The following SUFU variants were observed in gnomAD, a reference collection of about 807,000 sequenced individuals.
SUFU encodes SUFU negative regulator of hedgehog signaling, also known as suppressor of fused homolog.
Under a neutral mutation model 58.9 loss-of-function variants are expected in SUFU, and 7 were observed. That is an observed-to-expected ratio of 0.12 (90% confidence interval 0.07 to 0.22). SUFU has a LOEUF of 0.22. Among genes scored for constraint, SUFU ranks in the 10% least tolerant of loss-of-function variants. The probability of loss-of-function intolerance (pLI) is 1.00; values close to 1 mark genes in which losing one functional copy is unlikely to be tolerated. For synonymous variants in SUFU, 232 were observed against 254.8 expected, an observed-to-expected ratio of 0.91 and a Z score of 0.85; for missense variants, 451 against 641.3, an observed-to-expected ratio of 0.70 and a Z score of 3.20.
chr10:102,585,977 C>T (rs1006533388), intron 3 of SUFU, among the ~76,000 whole-genome samples: 16 of 150,188 alleles, frequency 1.1e-4, no homozygotes, highest in African/African-American at 3.4e-4. Flanking sequence ...CTCTGCCTTC[C>T]GGGTTCAAAC....
At chr10:102,511,550 C>A (rs1006201917) in intron 2 of SUFU, among the ~76,000 whole-genome samples, 8 of 151,974 alleles carry the variant, frequency 5.3e-5, no homozygotes, top group Non-Finnish European at 8.8e-5. Context: ...TCTTCCGTGT[C>A]ATTGTGTTAA....
intron 3 of SUFU, chr10:102,573,264 A>G (rs2063181379): frequency 1.5e-6 from 1 of 649,920 alleles, no homozygotes; most frequent in Admixed American, 2.3e-5. Flanking sequence ...ACACAAAATC[A>G]TCTACTTTGG....
At chr10:102,509,619 C>T (rs1209824174) in intron 2 of SUFU, among the ~76,000 whole-genome samples, 1 of 152,126 alleles carries the variant, frequency 6.6e-6, no homozygotes, top group Non-Finnish European at 1.5e-5. Flanking sequence ...TGTCTACTTC[C>T]TTTTATTCCC....
chr10:102,540,710 C>T (rs1777791188), intron 2 of SUFU, among the ~76,000 whole-genome samples: 1 of 133,272 alleles, frequency 7.5e-6, no homozygotes, highest in African/African-American at 2.9e-5. Flanking sequence ...TTCCTGCCTG[C>T]CTTTAAAATA....
intron 2 of SUFU, among the ~76,000 whole-genome samples, chr10:102,528,814 A>G (rs1393912770): frequency 6.6e-6 from 1 of 152,172 alleles, no homozygotes; most frequent in African/African-American, 2.4e-5. Context: ...AATGCATTCC[A>G]TGAATCTGGT....
At chr10:102,562,307 G>A (rs974121322) in intron 3 of SUFU, among the ~76,000 whole-genome samples, 2 of 150,554 alleles carry the variant, frequency 1.3e-5, no homozygotes, top group African/African-American at 2.4e-5. Context: ...GGTGGATCAC[G>A]AGGTCAAGAG....
intron 8 of SUFU, among the ~76,000 whole-genome samples, chr10:102,607,239 G>A (rs1439168224): frequency 6.6e-6 from 1 of 151,958 alleles, no homozygotes. Context: ...TGGTAGAGGT[G>A]GGGTTTTACT....
rs189242060 is a variant in SUFU at position 102,544,614 on chromosome 10, G to A, written c.318-5356G>A. Among the ~76,000 whole-genome samples, 379 of 151,978 alleles carry A rather than the reference G, an allele frequency of 2.5e-3. 3 individuals are homozygous for A. Among genetic ancestry groups the A allele is most frequent in the South Asian group, 9.6e-3 (46 of 4,802 alleles). ...CTTGGGAGGCTGAGGCAGGAGAATCGCTTGAACCCAGGAGGCAGAGGTTGC... is the reference window on the plus strand; with the variant it reads ...CTTGGGAGGCTGAGGCAGGAGAATCACTTGAACCCAGGAGGCAGAGGTTGC... On this transcript the variant is annotated intron_variant, in intron 2 of 11. Coordinates refer to ENST00000369902, the MANE Select transcript of SUFU (RefSeq NM_016169.4).
At chr10:102,568,044 T>A (rs2063110501) in intron 3 of SUFU, among the ~76,000 whole-genome samples, 1 of 152,106 alleles carries the variant, frequency 6.6e-6, no homozygotes, top group African/African-American at 2.4e-5. Flanking sequence ...CATCACACAT[T>A]CATTGTCTTC....
intron 10 of SUFU, among the ~76,000 whole-genome samples, chr10:102,626,084 C>T (rs2063784146): frequency 6.6e-6 from 1 of 152,006 alleles, no homozygotes; most frequent in African/African-American, 2.4e-5. Context: ...ACAGGTAGAG[C>T]TGTGGCCTGG....
intron 2 of SUFU, among the ~76,000 whole-genome samples, chr10:102,513,680 G>A (rs2062428899): frequency 5.3e-5 from 8 of 152,214 alleles, no homozygotes; most frequent in Admixed American, 5.2e-4. Flanking sequence ...CGTTTGAGAG[G>A]AACCCTGTAG....
chr10:102,580,021 T>C (rs1304927146), intron 3 of SUFU, among the ~76,000 whole-genome samples: 312 of 28,264 alleles, frequency 0.011, no homozygotes, highest in Middle Eastern at 0.05. Context: ...TTGGGTCTCC[T>C]CCCCCGCACC....
chr10:102,563,689 C>T (rs1248395306), intron 3 of SUFU, among the ~76,000 whole-genome samples: 1 of 151,524 alleles, frequency 6.6e-6, no homozygotes, highest in Non-Finnish European at 1.5e-5. Context: ...GAGCAAGACC[C>T]TGCCTCAAAA....
At chr10:102,545,699 C>T (rs2062848323) in intron 2 of SUFU, among the ~76,000 whole-genome samples, 1 of 152,178 alleles carries the variant, frequency 6.6e-6, no homozygotes, top group Non-Finnish European at 1.5e-5. Context: ...ATGGGCTGGG[C>T]ACAGTGGCTC....
chr10:102,595,331 C>T (rs1254766351), intron 6 of SUFU, among the ~76,000 whole-genome samples: 2 of 152,194 alleles, frequency 1.3e-5, no homozygotes, highest in Admixed American at 1.3e-4. Context: ...TTCCTAGTGC[C>T]TTTAACACTG....
In SUFU at chr10:102,510,311, G is replaced by A. The variant is rs536364786; in HGVS notation, c.317+1008G>A. 1.3e-5 allele frequency among the ~76,000 whole-genome samples: 2 copies of A among 151,780 alleles called. 1 individual carries two copies. Among genetic ancestry groups the A allele is most frequent in the African/African-American group, 4.8e-5 (2 of 41,376 alleles). ...TGCAAGCTCCACCTGCCGGGTTCACGCCATTCTCCTGTCTCAGCCTCCTGA... is the reference window on the plus strand; with the variant it reads ...TGCAAGCTCCACCTGCCGGGTTCACACCATTCTCCTGTCTCAGCCTCCTGA... On this transcript the variant is annotated intron_variant, in intron 2 of 11. Transcript: ENST00000369902.
At chr10:102,586,075 G>A (rs2063333127) in intron 3 of SUFU, among the ~76,000 whole-genome samples, 1 of 151,540 alleles carries the variant, frequency 6.6e-6, no homozygotes, top group Admixed American at 6.6e-5. Flanking sequence ...AGTAGAGACG[G>A]GGTTTCACCA....
intron 2 of SUFU, among the ~76,000 whole-genome samples, chr10:102,541,194 G>A (rs890880931): frequency 9.2e-5 from 14 of 151,860 alleles, no homozygotes; most frequent in South Asian, 4.2e-4. Flanking sequence ...GCATTATCAC[G>A]GATCCAAAAC....
Position 102,615,333 on chromosome 10 carries a change from C to G in SUFU, c.1088C>G (p.Thr363Arg). Residue 363 changes from threonine (T) to arginine (R), a missense_variant, in exon 9 of 12, where the codon ACG (threonine) becomes AGG (arginine). By Grantham distance (71) the Thr-to-Arg change is moderately conservative (BLOSUM62 -1). Transcript: ENST00000369902. ...ATCATTCCCCATGAGCTGATTCGCA[C>G]GCGGCAGCTTGAGAGCGTACATCTG... ...TAIIPHELIR[T>R]RQLESVHLKF... The G allele has an allele frequency of 6.2e-7, 1 of 1,614,150 alleles. No individual in the cohort carries two copies. Among genetic ancestry groups the G allele is most frequent in the Non-Finnish European group, 8.5e-7 (1 of 1,180,028 alleles).
Sources: allele counts gnomAD v4.1 joint callset (sites outside exome capture counted in the v4.1 genomes callset), GRCh38; gene constraint gnomAD v4.1.1; transcripts MANE v1.5; gene names NCBI Gene and HGNC (gene_info 2026-07-23, HGNC 2026-07-21).